Variants in DLGAP1 observed in about 807,000 individuals in gnomAD.
DLGAP1 encodes the protein disks large-associated protein 1.
Under a neutral mutation model 90.8 loss-of-function variants are expected in DLGAP1, and 11 were observed. That is an observed-to-expected ratio of 0.12 (90% CI 0.08 to 0.20). The LOEUF (loss-of-function observed/expected upper bound fraction) is 0.20, where lower values mean the gene tolerates loss of function less well. DLGAP1 is among the 10% of genes least tolerant of loss of function. The pLI is 1.00. For synonymous variants in DLGAP1, 558 were observed against 540.7 expected, an observed-to-expected ratio of 1.03 and a Z score of -0.44; for missense variants, 1,050 against 1,333.8, an observed-to-expected ratio of 0.79 and a Z score of 3.31.
chr18:3,932,182 G>A (rs556724075), intron 3 of DLGAP1, among the ~76,000 whole-genome samples: 1 of 152,286 alleles, frequency 6.6e-6, no homozygotes, highest in African/African-American at 2.4e-5. Flanking sequence ...TATCCATTTG[G>A]GAAGGGCCCT....
At chr18:4,365,692 C>T (rs1202042266) in intron 1 of DLGAP1, among the ~76,000 whole-genome samples, 1 of 152,052 alleles carries the variant, frequency 6.6e-6, no homozygotes, top group Admixed American at 6.6e-5. Context: ...GTGTTAAGCA[C>T]AGGCATGAAT....
At chr18:4,156,252 T>C in intron 1 of DLGAP1, among the ~76,000 whole-genome samples, 1 of 152,184 alleles carries the variant, frequency 6.6e-6, no homozygotes, top group East Asian at 1.9e-4. Flanking sequence ...AACACCGGAA[T>C]GTGGGAGAGA....
At chr18:3,785,915 T>C (rs2065429841) in intron 5 of DLGAP1, among the ~76,000 whole-genome samples, 1 of 152,140 alleles carries the variant, frequency 6.6e-6, no homozygotes, top group Non-Finnish European at 1.5e-5. Flanking sequence ...TATTTTGGGG[T>C]AAAGTGTGCT....
intron 3 of DLGAP1, among the ~76,000 whole-genome samples, chr18:3,907,122 T>C (rs1394245653): frequency 6.6e-6 from 1 of 152,134 alleles, no homozygotes; most frequent in African/African-American, 2.4e-5. Context: ...GACATGAGCA[T>C]CCATGGATGT....
At chr18:4,048,428 C>T (rs2075086986) in intron 2 of DLGAP1, among the ~76,000 whole-genome samples, 1 of 152,176 alleles carries the variant, frequency 6.6e-6, no homozygotes, top group Non-Finnish European at 1.5e-5. Context: ...ACAGCATGAT[C>T]AAGAATGAAG....
intron 3 of DLGAP1, among the ~76,000 whole-genome samples, chr18:3,955,367 C>G (rs1178136615): frequency 6.6e-6 from 1 of 152,130 alleles, no homozygotes; most frequent in Non-Finnish European, 1.5e-5. Flanking sequence ...ACAAAAATAT[C>G]CAGTACCTGA....
At chr18:3,725,335 G>A (rs1399855551) in intron 7 of DLGAP1, among the ~76,000 whole-genome samples, 1 of 152,162 alleles carries the variant, frequency 6.6e-6, no homozygotes, top group Admixed American at 6.5e-5. Flanking sequence ...ATTCAGCACA[G>A]GAAGTAAAAC....
At chr18:3,670,014 G>T (rs1437485562) in intron 7 of DLGAP1, among the ~76,000 whole-genome samples, 1 of 152,200 alleles carries the variant, frequency 6.6e-6, no homozygotes, top group Non-Finnish European at 1.5e-5. Flanking sequence ...CACTGAAGAA[G>T]TGAGCCACAT....
intron 1 of DLGAP1, among the ~76,000 whole-genome samples, chr18:4,212,726 T>C (rs1188050686): frequency 6.6e-6 from 1 of 151,954 alleles, no homozygotes; most frequent in Non-Finnish European, 1.5e-5. Context: ...ATATCCCTCA[T>C]AATACAAATA....
intron 7 of DLGAP1, among the ~76,000 whole-genome samples, chr18:3,671,178 TTGC>T (rs771021215): frequency 3.7e-4 from 45 of 121,240 alleles, no homozygotes; most frequent in Non-Finnish European, 6.2e-4. Flanking sequence ...CCTTTGCTCT[TTGC>T]TGCTTTTTTT....
chr18:3,649,102 G>T (rs2059212303), intron 7 of DLGAP1, among the ~76,000 whole-genome samples: 1 of 152,246 alleles, frequency 6.6e-6, no homozygotes, highest in Non-Finnish European at 1.5e-5. Flanking sequence ...TATCGTTGAT[G>T]AGTGGTGACA....
intron 1 of DLGAP1, among the ~76,000 whole-genome samples, chr18:4,194,693 T>C (rs1330609134): frequency 3.3e-5 from 5 of 152,250 alleles, no homozygotes; most frequent in Admixed American, 2.0e-4. Context: ...TTCTGGCTTA[T>C]TTAACACAAT....
At chr18:3,914,190 A>G (rs1279914835) in intron 3 of DLGAP1, among the ~76,000 whole-genome samples, 1 of 152,156 alleles carries the variant, frequency 6.6e-6, no homozygotes. Flanking sequence ...AACTTTGTAT[A>G]CTTTCTGAAC....
chr18:3,965,857 A>C (rs111391707), intron 3 of DLGAP1, among the ~76,000 whole-genome samples: 11,915 of 147,516 alleles, frequency 0.081, 703 homozygotes, highest in African/African-American at 0.17. Flanking sequence ...CTGAGGCAGG[A>C]GAATTGCTTG....
chr18:3,947,370 T>C (rs983303433), intron 3 of DLGAP1, among the ~76,000 whole-genome samples: 1 of 152,228 alleles, frequency 6.6e-6, no homozygotes, highest in African/African-American at 2.4e-5. Context: ...GTCTGGCTTA[T>C]CTCTTCCAAA....
chr18:4,051,275 C>T (rs2075130200), intron 2 of DLGAP1, among the ~76,000 whole-genome samples: 1 of 152,124 alleles, frequency 6.6e-6, no homozygotes, highest in Admixed American at 6.5e-5. Flanking sequence ...TCTCCTGCTG[C>T]TAATAAAGAC....
At chr18:3,971,990 T>G (rs956974187) in intron 3 of DLGAP1, among the ~76,000 whole-genome samples, 1 of 152,200 alleles carries the variant, frequency 6.6e-6, no homozygotes, top group Non-Finnish European at 1.5e-5. Context: ...GACTCTTTAC[T>G]TGGGTTCTCA....
At chr18:4,250,097 G>C (rs1161341033) in intron 1 of DLGAP1, among the ~76,000 whole-genome samples, 1 of 152,174 alleles carries the variant, frequency 6.6e-6, no homozygotes, top group Non-Finnish European at 1.5e-5. Flanking sequence ...GCAGATGCTG[G>C]AAGTTTGTTG....
At chr18:4,076,541 G>T (rs2075525285) in intron 2 of DLGAP1, among the ~76,000 whole-genome samples, 1 of 152,100 alleles carries the variant, frequency 6.6e-6, no homozygotes, top group Non-Finnish European at 1.5e-5. Context: ...CTAGTGCTTT[G>T]ATTTAAATAC....
Sources: allele counts gnomAD v4.1 joint callset (sites outside exome capture counted in the v4.1 genomes callset), GRCh38; gene constraint gnomAD v4.1.1; transcripts MANE v1.5; gene names NCBI Gene and HGNC (gene_info 2026-07-23, HGNC 2026-07-21).